SYTL3: variants seen among roughly 807,000 people sequenced by gnomAD.
SYTL3 encodes synaptotagmin-like protein 3.
A neutral mutation model predicts 82.1 loss-of-function variants in SYTL3; 88 were observed. That is an observed-to-expected ratio of 1.07 (90% CI 0.90 to 1.28). The LOEUF (loss-of-function observed/expected upper bound fraction) is 1.28. Ranked by LOEUF, SYTL3 falls within the 50% of genes most tolerant of loss-of-function variation. The pLI, the probability that SYTL3 is intolerant of heterozygous loss-of-function variation, is 0.00. For synonymous variants in SYTL3, 311 were observed against 289.4 expected (o/e 1.07, Z -0.76); for missense variants, 831 against 757.6 (o/e 1.10, Z -1.14).
chr6:158,660,089 A>C lies in SYTL3; in HGVS notation c.-636-1180A>C, dbSNP rs193172745. On this transcript the variant is annotated intron_variant, in intron 2 of 17. Transcript: ENST00000611299. ...AGACCAGCCTGACCAACATGGTGAA[A>C]CCCCGTCTCTACTAAAAATACAAAA... Among the ~76,000 whole-genome samples the C allele has an allele frequency of 1.4e-3, 211 of 151,458 alleles. 3 individuals carry two copies. The highest frequency in any genetic ancestry group is 4.5e-3 in the African/African-American group (187 of 41,198).
intron 3 of SYTL3, among the ~76,000 whole-genome samples, chr6:158,662,211 A>G (rs936804359): frequency 5.3e-5 from 8 of 152,204 alleles, no homozygotes; most frequent in African/African-American, 1.7e-4. Context: ...TTTAATAACA[A>G]AAATGGTACT....
intron 10 of SYTL3, among the ~76,000 whole-genome samples, chr6:158,723,523 G>A (rs1282988058): frequency 1.3e-5 from 2 of 151,374 alleles, no homozygotes; most frequent in Non-Finnish European, 2.9e-5. Context: ...TTTTTTCCTC[G>A]AAATGTTTAT....
At chr6:158,652,606 G>A (rs571065695) in intron 2 of SYTL3, among the ~76,000 whole-genome samples, 4 of 151,990 alleles carry the variant, frequency 2.6e-5, no homozygotes, top group South Asian at 2.1e-4. Context: ...GTGCAATGGC[G>A]CGATCTCAGC....
chr6:158,749,683 C>A (rs575853809), intron 12 of SYTL3, among the ~76,000 whole-genome samples: 24 of 151,694 alleles, frequency 1.6e-4, no homozygotes, highest in African/African-American at 5.8e-4. Context: ...TGATGAGGTC[C>A]CACTATGTTG....
Position 158,752,023 on chromosome 6 carries a change from C to A in SYTL3, c.1130C>A (p.Thr377Asn). 1 of 1,593,192 alleles carries A rather than the reference C, an allele frequency of 6.3e-7. No homozygotes were observed. Among genetic ancestry groups the A allele is most frequent in the Non-Finnish European group, 8.5e-7 (1 of 1,172,220 alleles). ...ACCGTGGACCCGACCTTTCAGGAGA[C>A]CTTGAAGGTACTTGCTGGACAGATA... ...RNTVDPTFQE[T>N]LKYQVAPAQL... Residue 377 changes from threonine (T) to asparagine (N), a missense_variant, in exon 13 of 18, where the codon ACC becomes AAC. Transcript: ENST00000611299.
At chr6:158,740,913 A>C (rs1786845308) in intron 11 of SYTL3, among the ~76,000 whole-genome samples, 1 of 152,174 alleles carries the variant, frequency 6.6e-6, no homozygotes, top group Admixed American at 6.5e-5. Flanking sequence ...TTTGGGATTC[A>C]ATGAACTCTT....
chr6:158,733,809 C>A (rs1445512147), intron 11 of SYTL3, among the ~76,000 whole-genome samples: 2 of 151,456 alleles, frequency 1.3e-5, no homozygotes, highest in Non-Finnish European at 2.9e-5. Flanking sequence ...CCAAGAAGCA[C>A]CCTTTTGGCC....
intron 6 of SYTL3, among the ~76,000 whole-genome samples, chr6:158,695,199 A>G (rs1238982433): frequency 2.6e-5 from 4 of 152,314 alleles, no homozygotes; most frequent in East Asian, 1.9e-4. Context: ...GAAATTTTCT[A>G]CCAAAAAATT....
Position 158,708,327 on chromosome 6 carries a change from T to C in SYTL3, c.452T>C (p.Ile151Thr). The change falls in exon 8 of 18, where the codon ATT becomes ACT. Residue 151 changes from isoleucine (I) to threonine (T), a missense_variant. Transcript: ENST00000611299. ...LLQSYQKLSK[I>T]SVVPPTPPPV... Reference sequence around the variant, plus strand: ...GCCTGTGTTTTCCTTGGCAGCAAAATTTCTGTGGTTCCTCCTACTCCACCT... The same window carrying C: ...GCCTGTGTTTTCCTTGGCAGCAAAACTTCTGTGGTTCCTCCTACTCCACCT... The C allele has an allele frequency of 1.2e-6, 2 of 1,614,104 alleles. No homozygotes were observed. The highest frequency in any genetic ancestry group is 1.7e-6 in the Non-Finnish European group (2 of 1,179,978).
At chr6:158,757,477 G>C in intron 14 of SYTL3, 96 bp downstream of exon 14, 1 of 1,357,098 alleles carries the variant, frequency 7.4e-7, no homozygotes, top group South Asian at 1.3e-5. Context: ...TACCTGGCAA[G>C]ACTTGGACCC....
intron 12 of SYTL3, among the ~76,000 whole-genome samples, chr6:158,746,530 A>G (rs1008080841): frequency 1.3e-5 from 2 of 149,706 alleles, no homozygotes; most frequent in African/African-American, 4.9e-5. Flanking sequence ...CGGTGGCGCA[A>G]TCTCGGCTCA....
chr6:158,762,448 A>G (rs530173517), intron 16 of SYTL3, among the ~76,000 whole-genome samples: 1 of 152,136 alleles, frequency 6.6e-6, no homozygotes, highest in East Asian at 1.9e-4. Flanking sequence ...TGGTGTGGTC[A>G]GTAAATATTT....
At chr6:158,756,043 T>G (rs925167501) in intron 13 of SYTL3, among the ~76,000 whole-genome samples, 3 of 152,186 alleles carry the variant, frequency 2.0e-5, no homozygotes, top group Admixed American at 2.0e-4. Context: ...AAGCCTGGTG[T>G]GAAATAAATA....
intron 6 of SYTL3, among the ~76,000 whole-genome samples, chr6:158,690,049 C>G (rs920107650): frequency 2.6e-5 from 4 of 152,196 alleles, no homozygotes; most frequent in African/African-American, 9.7e-5. Flanking sequence ...TTTCCCATTG[C>G]GTTGTAACCC....
At chr6:158,698,261 G>T (rs1780775884) in intron 6 of SYTL3, among the ~76,000 whole-genome samples, 2 of 152,042 alleles carry the variant, frequency 1.3e-5, no homozygotes, top group Non-Finnish European at 2.9e-5. Context: ...GCTAGACGTG[G>T]TGGTGGGTAC....
chr6:158,712,755 CTTTCT>C (rs141549035), intron 8 of SYTL3, among the ~76,000 whole-genome samples: 2,189 of 137,676 alleles, frequency 0.016, 15 homozygotes, highest in Admixed American at 0.03. Context: ...TCTTTTCTTT[CTTTCT>C]TTTTTTTTTT....
intron 9 of SYTL3, among the ~76,000 whole-genome samples, chr6:158,715,363 A>G (rs989874519): frequency 6.6e-6 from 1 of 151,806 alleles, no homozygotes; most frequent in African/African-American, 2.4e-5. Flanking sequence ...GCACACATGC[A>G]CCTTCCTGGA....
In SYTL3 at chr6:158,759,102, C is replaced by T. The variant is rs933556040; in HGVS notation, c.1309-1538C>T. ...CTCTCCCACACCTCTGTCATCAGCTCGAAGACAAGGCCTGGAACAAGCACA... is the reference window on the plus strand; with the variant it reads ...CTCTCCCACACCTCTGTCATCAGCTTGAAGACAAGGCCTGGAACAAGCACA... On this transcript the variant is annotated intron_variant, in intron 14 of 17. Coordinates refer to ENST00000611299, the MANE Select transcript of SYTL3 (RefSeq NM_001242394.2). 5.3e-5 allele frequency among the ~76,000 whole-genome samples: 8 copies of T among 152,316 alleles called. No individual in the cohort carries two copies. The East Asian group carries it at 9.6e-4, about 18-fold the overall frequency.
chr6:158,677,696 ACT>A (rs1336659133), intron 5 of SYTL3, among the ~76,000 whole-genome samples: 3 of 132,494 alleles, frequency 2.3e-5, no homozygotes, highest in African/African-American at 9.3e-5. Flanking sequence ...CAAGAATGAA[ACT>A]CTGTCTCAAA....
Sources: gnomAD v4.1 joint callset for allele counts (sites outside exome capture counted in the v4.1 genomes callset) on GRCh38, gnomAD v4.1.1 for gene constraint, MANE v1.5 for transcripts, NCBI Gene and HGNC (gene_info 2026-07-23, HGNC 2026-07-21) for gene names.